XPR1: variants seen among roughly 807,000 people sequenced by gnomAD.
XPR1 encodes xenotropic and polytropic retrovirus receptor 1, also known as solute carrier family 53 member 1.
Under a neutral mutation model 87.5 loss-of-function variants are expected in XPR1, and 28 were observed. That is an observed-to-expected ratio of 0.32 (90% CI 0.24 to 0.44). The LOEUF is 0.44. Among genes scored for constraint, XPR1 ranks in the 20% least tolerant of loss-of-function variants. The pLI is 1.00. For missense variants in XPR1, 559 were observed against 862.3 expected, an observed-to-expected ratio of 0.65 and a Z score of 4.41; for synonymous variants, 300 against 306.1, an observed-to-expected ratio of 0.98 and a Z score of 0.21.
At chr1:180,760,065 C>A (rs759071196) in intron 2 of XPR1, among the ~76,000 whole-genome samples, 1 of 150,716 alleles carries the variant, frequency 6.6e-6, no homozygotes, top group African/African-American at 2.4e-5. Flanking sequence ...ATTCAGCAAC[C>A]CTTCATGCTA....
chr1:180,879,155 C>T (rs1215500636), intron 13 of XPR1, among the ~76,000 whole-genome samples: 2 of 152,212 alleles, frequency 1.3e-5, no homozygotes, highest in African/African-American at 4.8e-5. Flanking sequence ...CCTGTCAGCT[C>T]CATCTTTATA....
Position 180,761,538 on chromosome 1 carries a change from C to T in XPR1, c.122-26215C>T, listed in dbSNP as rs1449799151. ...TGAAAAAATGCTCATCATCACTGGC[C>T]ATCAGAGAAATGCAAATCAAAACCA... On this transcript the variant is annotated intron_variant, in intron 2 of 14. Transcript: ENST00000367590. Among the ~76,000 whole-genome samples the T allele has an allele frequency of 3.3e-5, 5 of 152,248 alleles. No homozygotes were observed. In the East Asian group the frequency reaches 9.6e-4, roughly 29 times the overall value.
intron 13 of XPR1, among the ~76,000 whole-genome samples, chr1:180,875,022 A>C (rs1272444908): frequency 6.6e-6 from 1 of 152,238 alleles, no homozygotes; most frequent in Non-Finnish European, 1.5e-5. Flanking sequence ...AACTGCATCC[A>C]ACTACTAAAT....
rs181840827 is a variant in XPR1, at chr1:180,810,647, C to T, written c.682-760C>T. Among the ~76,000 whole-genome samples, 29 of 152,036 alleles carry T rather than the reference C, an allele frequency of 1.9e-4. No individual in the cohort carries two copies. In the Middle Eastern group the frequency reaches 0.01, roughly 53 times the overall value. On this transcript the variant is annotated intron_variant, in intron 6 of 14. Coordinates refer to ENST00000367590, the MANE Select transcript of XPR1 (RefSeq NM_004736.4). ...ATCAGAAAGTAAGCGTTCTTGTCTC[C>T]GTCATCGTCTCTAATTTTATCTGTT...
chr1:180,654,576 C>T (rs145520890), intron 1 of XPR1, among the ~76,000 whole-genome samples: 7 of 152,130 alleles, frequency 4.6e-5, no homozygotes, highest in African/African-American at 1.7e-4. Context: ...CTATTTAGTC[C>T]TCCCTCTAGT....
intron 13 of XPR1, among the ~76,000 whole-genome samples, chr1:180,876,192 A>C (rs1652657430): frequency 6.6e-6 from 1 of 152,234 alleles, no homozygotes; most frequent in Non-Finnish European, 1.5e-5. Flanking sequence ...TTTGATATAT[A>C]AGCCTACAAT....
intron 11 of XPR1, among the ~76,000 whole-genome samples, chr1:180,854,613 C>T (rs977983904): frequency 5.9e-5 from 9 of 152,156 alleles, no homozygotes; most frequent in Admixed American, 5.2e-4. Flanking sequence ...AGTCACCTAT[C>T]GTGGCAAAAG....
At chr1:180,798,454 T>G (rs1255331183) in intron 3 of XPR1, among the ~76,000 whole-genome samples, 1 of 152,046 alleles carries the variant, frequency 6.6e-6, no homozygotes. Context: ...AGTAAAAAGG[T>G]CAAGGGGTTA....
chr1:180,715,023 C>G (rs1419704003), intron 2 of XPR1, among the ~76,000 whole-genome samples: 2 of 152,090 alleles, frequency 1.3e-5, no homozygotes, highest in Non-Finnish European at 2.9e-5. Context: ...AAATTCTCTG[C>G]TCAATACCAA....
rs186521968 is a variant in XPR1 at position 180,811,310 on chromosome 1, G to A, written c.682-97G>A. ...TAGAACATTAAATATTATTTTCATG[G>A]TAGAACTTTGAGACTCATTCTACTA... On this transcript the variant is annotated intron_variant, in intron 6 of 14. Coordinates refer to ENST00000367590, the MANE Select transcript of XPR1 (RefSeq NM_004736.4). 324 of 973,126 alleles carry A rather than the reference G, an allele frequency of 3.3e-4. 1 individual carries two copies. The highest frequency in any genetic ancestry group is 4.5e-4 in the Non-Finnish European group (288 of 638,390). 60.3% of individuals were successfully genotyped at this position (973,126 alleles called of 1,614,324 possible).
intron 6 of XPR1, among the ~76,000 whole-genome samples, 185 bp downstream of exon 6, chr1:180,806,742 C>T (rs1479020254): frequency 1.3e-5 from 2 of 151,874 alleles, no homozygotes; most frequent in Non-Finnish European, 1.5e-5. Context: ...TAATGTCTTC[C>T]ACCTTTCTCT....
Position 180,720,713 on chromosome 1 carries a change from G to C in XPR1, c.121+38302G>C, listed in dbSNP as rs1001336297. Among the ~76,000 whole-genome samples the C allele has an allele frequency of 4.2e-4, 64 of 152,076 alleles. 1 individual carries two copies. The highest frequency in any genetic ancestry group is 1.6e-3 in the Admixed American group (25 of 15,258). On this transcript the variant is annotated intron_variant, in intron 2 of 14. Coordinates refer to ENST00000367590, the MANE Select transcript of XPR1 (RefSeq NM_004736.4). ...ACTTCTGGGGTGGGGCCTGGCTATCGGTGTTTTAACGAGGTCTTCAGGGGA... is the reference window on the plus strand; with the variant it reads ...ACTTCTGGGGTGGGGCCTGGCTATCCGTGTTTTAACGAGGTCTTCAGGGGA...
At chr1:180,775,347 G>C (rs1268719003) in intron 2 of XPR1, among the ~76,000 whole-genome samples, 1 of 152,116 alleles carries the variant, frequency 6.6e-6, no homozygotes, top group Non-Finnish European at 1.5e-5. Flanking sequence ...ACTTTGGGAG[G>C]CTGAGGCAGG....
chr1:180,656,577 A>ATTATATATAATATTTATATATT (rs1388241724), intron 1 of XPR1, among the ~76,000 whole-genome samples: 16 of 53,456 alleles, frequency 3.0e-4, no homozygotes, highest in Non-Finnish European at 5.0e-4. Context: ...TATTTTATAT[A>ATTATATATAATATTTATATATT]TGTATGTATA....
intron 2 of XPR1, among the ~76,000 whole-genome samples, chr1:180,732,536 G>C (rs1401340674): frequency 6.6e-6 from 1 of 152,162 alleles, no homozygotes; most frequent in Non-Finnish European, 1.5e-5. Flanking sequence ...TTTTGAAATG[G>C]GGAAAGTTCC....
chr1:180,855,616 A>G (rs1273625936), intron 11 of XPR1, among the ~76,000 whole-genome samples: 2 of 150,588 alleles, frequency 1.3e-5, no homozygotes, highest in African/African-American at 4.9e-5. Context: ...ATGAGCCGAG[A>G]TCATGCCACT....
intron 1 of XPR1, among the ~76,000 whole-genome samples, chr1:180,679,218 A>C (rs1007525258): frequency 2.0e-4 from 30 of 149,668 alleles, no homozygotes; most frequent in African/African-American, 6.6e-4. Flanking sequence ...ACAAACAAAC[A>C]AAAAAAACGG....
At chr1:180,676,842 C>T (rs1281186218) in intron 1 of XPR1, among the ~76,000 whole-genome samples, 2 of 152,100 alleles carry the variant, frequency 1.3e-5, no homozygotes, top group Non-Finnish European at 2.9e-5. Flanking sequence ...AGAATGTGAT[C>T]TTAGAAAATG....
intron 11 of XPR1, among the ~76,000 whole-genome samples, chr1:180,840,533 TG>T (rs1414622500): frequency 1.5e-4 from 1 of 6,848 alleles, no homozygotes; most frequent in Non-Finnish European, 6.3e-4. Context: ...TTAACATATT[TG>T]TGTGTGTGTG....
Sources: gnomAD v4.1 joint callset for allele counts (sites outside exome capture counted in the v4.1 genomes callset) on GRCh38, gnomAD v4.1.1 for gene constraint, MANE v1.5 for transcripts, NCBI Gene and HGNC (gene_info 2026-07-23, HGNC 2026-07-21) for gene names.